Variants in SAMD12 observed in about 807,000 individuals in gnomAD.
SAMD12 encodes the protein sterile alpha motif domain-containing protein 12.
In SAMD12, 9 loss-of-function variants were observed where a neutral mutation model predicts 15.0. The observed-to-expected ratio is 0.60, with a 90% CI of 0.36 to 1.05. The LOEUF is 1.05. Among genes scored for constraint, SAMD12 ranks in the 50% least tolerant of loss-of-function variants. The pLI, the probability that SAMD12 is intolerant of heterozygous loss-of-function variation, is 0.01. For missense variants in SAMD12, 230 were observed against 234.2 expected (o/e 0.98, Z 0.12); for synonymous variants, 86 against 90.1 (o/e 0.96, Z 0.25).
At chr8:118,253,089 T>C (rs1455018884) in intron 4 of SAMD12, among the ~76,000 whole-genome samples, 2 of 152,152 alleles carry the variant, frequency 1.3e-5, no homozygotes, top group Non-Finnish European at 2.9e-5. Flanking sequence ...TCTCAGCCAA[T>C]GTGGCTGCTT....
At chr8:118,533,532 C>T (rs938983110) in intron 2 of SAMD12, among the ~76,000 whole-genome samples, 3 of 152,144 alleles carry the variant, frequency 2.0e-5, no homozygotes, top group Non-Finnish European at 2.9e-5. Flanking sequence ...CTAATGTTGA[C>T]AGTGGGGTGT....
At chr8:118,396,630 G>T (rs1226560840) in intron 3 of SAMD12, among the ~76,000 whole-genome samples, 1 of 152,202 alleles carries the variant, frequency 6.6e-6, no homozygotes, top group African/African-American at 2.4e-5. Flanking sequence ...GAAAAGTGAA[G>T]AGATTTGTCC....
chr8:118,618,532 C>T (rs1048641292), intron 1 of SAMD12, among the ~76,000 whole-genome samples: 1 of 152,064 alleles, frequency 6.6e-6, no homozygotes, highest in Non-Finnish European at 1.5e-5. Context: ...TCTAGAAGCC[C>T]TCTCCTTTAT....
At chr8:118,237,343 C>G (rs1215943655) in intron 4 of SAMD12, among the ~76,000 whole-genome samples, 1 of 152,168 alleles carries the variant, frequency 6.6e-6, no homozygotes, top group African/African-American at 2.4e-5. Context: ...TATTTATCAG[C>G]CCTCTATGTA....
the SAMD12 span, among the ~76,000 whole-genome samples, chr8:118,140,021 C>G: frequency 1.3e-5 from 2 of 152,184 alleles, no homozygotes; most frequent in Non-Finnish European, 2.9e-5. Flanking sequence ...AGTTTTGAAC[C>G]AGCAGACAGG....
At chr8:118,523,230 G>A (rs1394204617) in intron 2 of SAMD12, among the ~76,000 whole-genome samples, 1 of 152,086 alleles carries the variant, frequency 6.6e-6, no homozygotes, top group African/African-American at 2.4e-5. Flanking sequence ...GGAGGGAGGT[G>A]GGGGGCACTC....
At chr8:118,272,440 G>C (rs1009639630) in intron 4 of SAMD12, among the ~76,000 whole-genome samples, 8 of 152,192 alleles carry the variant, frequency 5.3e-5, no homozygotes, top group Non-Finnish European at 1.0e-4. Context: ...TGCAGTGAAG[G>C]TCTCTGACTT....
chr8:118,550,099 A>G (rs1297388986), intron 2 of SAMD12, among the ~76,000 whole-genome samples: 1 of 152,178 alleles, frequency 6.6e-6, no homozygotes, highest in Non-Finnish European at 1.5e-5. Context: ...GCTGGAAAAC[A>G]CTCTGCAGGA....
At chr8:118,342,055 C>T (rs2130550914) in intron 4 of SAMD12, among the ~76,000 whole-genome samples, 1 of 152,210 alleles carries the variant, frequency 6.6e-6, no homozygotes, top group African/African-American at 2.4e-5. Flanking sequence ...TTTGGGAGGC[C>T]AAGGTGGGCA....
chr8:118,455,851 TG>T (rs35713420), intron 2 of SAMD12, among the ~76,000 whole-genome samples: 109,410 of 152,084 alleles, frequency 0.72, 39,701 homozygotes, highest in African/African-American at 0.81. Flanking sequence ...TACAAGACTG[TG>T]GGGGTATACC....
chr8:118,493,982 A>G (rs1824526298), intron 2 of SAMD12, among the ~76,000 whole-genome samples: 1 of 152,146 alleles, frequency 6.6e-6, no homozygotes, highest in Non-Finnish European at 1.5e-5. Context: ...AACTACTCAC[A>G]ATAAAGCTTT....
At position 118,284,307 on chromosome 8, in the gene SAMD12, G is replaced by C. The variant is rs768502558; in HGVS notation, c.434-86575C>G. Reference sequence around the variant, plus strand: ...CACCTGGCTTGCAGCAGAACTGGCTGGGATGGCTTCATAACTTCCCTTCTA... The same window carrying C: ...CACCTGGCTTGCAGCAGAACTGGCTCGGATGGCTTCATAACTTCCCTTCTA... On this transcript the variant is annotated intron_variant, in intron 4 of 4. Transcript: ENST00000409003. The C allele has an allele frequency of 2.7e-4, 124 of 456,252 alleles. 1 individual carries two copies. Among genetic ancestry groups the C allele is most frequent in the South Asian group, 1.8e-3 (119 of 64,562 alleles). The allele number at this position is 456,252 out of a possible 1,614,324, so 28.3% of individuals were successfully genotyped here.
At chr8:118,553,819 C>G (rs1434514172) in intron 2 of SAMD12, among the ~76,000 whole-genome samples, 1 of 148,980 alleles carries the variant, frequency 6.7e-6, no homozygotes, top group Non-Finnish European at 1.5e-5. Flanking sequence ...CTACAATGAA[C>G]TCAAACAAAT....
chr8:118,136,455 A>C, the SAMD12 span, among the ~76,000 whole-genome samples: 2 of 152,246 alleles, frequency 1.3e-5, no homozygotes, highest in Non-Finnish European at 2.9e-5. Flanking sequence ...TTTACCACCT[A>C]AAACAGTTTT....
At chr8:118,353,289 T>C (rs1818053261) in intron 4 of SAMD12, among the ~76,000 whole-genome samples, 1 of 150,500 alleles carries the variant, frequency 6.6e-6, no homozygotes, top group Non-Finnish European at 1.5e-5. Flanking sequence ...TGGTTTTCCT[T>C]TTAGCATTTG....
chr8:118,178,918 C>T, the SAMD12 span, among the ~76,000 whole-genome samples: 2 of 152,172 alleles, frequency 1.3e-5, no homozygotes, highest in Non-Finnish European at 2.9e-5. Context: ...TGTAGCCTCA[C>T]CATCTGGCAA....
At chr8:118,320,674 G>GGC (rs1554631035) in intron 4 of SAMD12, among the ~76,000 whole-genome samples, 1 of 148,112 alleles carries the variant, frequency 6.8e-6, no homozygotes, top group South Asian at 2.2e-4. Context: ...TCGTGGGGTG[G>GGC]GGGGGGTGGG....
intron 4 of SAMD12, among the ~76,000 whole-genome samples, chr8:118,303,753 G>T (rs1815167679): frequency 6.6e-6 from 1 of 151,694 alleles, no homozygotes; most frequent in African/African-American, 2.4e-5. Context: ...CATCAATGTT[G>T]TCAGCATAGT....
At chr8:118,463,792 T>TG (rs1045441281) in intron 2 of SAMD12, among the ~76,000 whole-genome samples, 4 of 151,800 alleles carry the variant, frequency 2.6e-5, no homozygotes, top group African/African-American at 7.3e-5. Flanking sequence ...TGGCTTCAGC[T>TG]GGGGGGGATC....
Sources: allele counts gnomAD v4.1 joint callset (sites outside exome capture counted in the v4.1 genomes callset), GRCh38; gene constraint gnomAD v4.1.1; transcripts MANE v1.5; gene names NCBI Gene and HGNC (gene_info 2026-07-23, HGNC 2026-07-21).